ITPR2: variants seen among roughly 807,000 people sequenced by gnomAD.
ITPR2 encodes inositol 1,4,5-trisphosphate receptor type 2.
A neutral mutation model predicts 317.1 loss-of-function variants in ITPR2; 207 were observed. The observed-to-expected ratio is 0.65, with a 90% CI of 0.58 to 0.73. The LOEUF is 0.73. ITPR2 is among the 30% of genes least tolerant of loss of function. The probability of loss-of-function intolerance (pLI) is 0.00; values close to 1 mark genes in which losing one functional copy is unlikely to be tolerated. For missense variants in ITPR2, 2,613 were observed against 3,284.0 expected, an observed-to-expected ratio of 0.80 and a Z score of 4.99; for synonymous variants, 1,156 against 1,149.1, an observed-to-expected ratio of 1.01 and a Z score of -0.12.
intron 2 of ITPR2, among the ~76,000 whole-genome samples, chr12:26,735,134 G>C (rs1262422603): frequency 6.6e-6 from 1 of 151,660 alleles, no homozygotes; most frequent in African/African-American, 2.4e-5. Flanking sequence ...CTGAGAAGCT[G>C]GGATTACAGG....
chr12:26,627,909 C>T, intron 23 of ITPR2, 124 bp downstream of exon 23: 1 of 852,778 alleles, frequency 1.2e-6, no homozygotes, highest in South Asian at 1.9e-5. Flanking sequence ...TATCCCAGAA[C>T]TTAAAGTATA....
chr12:26,418,081 A>T (rs1198001713), intron 50 of ITPR2, among the ~76,000 whole-genome samples: 1 of 152,206 alleles, frequency 6.6e-6, no homozygotes. Context: ...AACATAATAG[A>T]CAAATCTACT....
chr12:26,464,290 T>G (rs1244747639), intron 45 of ITPR2, among the ~76,000 whole-genome samples: 1 of 152,224 alleles, frequency 6.6e-6, no homozygotes, highest in Non-Finnish European at 1.5e-5. Context: ...CTTGTTTTAC[T>G]GCAACTAGGC....
Position 26,656,499 on chromosome 12 carries a change from C to A in ITPR2, c.2242G>T (p.Ala748Ser). ...AGCTGTGTAGAAATCTGGTTTATGG[C>A]CAGATACTGGCGATCCAAGCACATC... The part of the protein sequence containing the change: ...ARMCLDRQYL[A>S]INQISTQLSV... Residue 748 changes from alanine (A) to serine (S), a missense_variant, in exon 19 of 57, where the codon GCC becomes TCC. Physicochemically the swap from Ala to Ser is moderately conservative, Grantham distance 99 (BLOSUM62 1). Coordinates refer to ENST00000381340, the MANE Select transcript of ITPR2 (RefSeq NM_002223.4). 6.2e-7 allele frequency: 1 copy of A among 1,614,176 alleles called. No homozygotes were observed. Among genetic ancestry groups the A allele is most frequent in the Non-Finnish European group, 8.5e-7 (1 of 1,180,036 alleles).
chr12:26,578,672 C>G (rs1378767764), intron 34 of ITPR2, 41 bp downstream of exon 34: 1 of 1,544,402 alleles, frequency 6.5e-7, no homozygotes. Context: ...CTAATTTCTT[C>G]AAGAAATGTA....
At chr12:26,819,909 A>T (rs1393824887) in intron 1 of ITPR2, among the ~76,000 whole-genome samples, 4 of 152,114 alleles carry the variant, frequency 2.6e-5, no homozygotes, top group Non-Finnish European at 4.4e-5. Context: ...TCTACTAAAA[A>T]TACCCAAAAA....
intron 54 of ITPR2, among the ~76,000 whole-genome samples, chr12:26,390,019 C>T (rs1303060759): frequency 2.6e-5 from 4 of 152,186 alleles, no homozygotes; most frequent in African/African-American, 9.7e-5. Flanking sequence ...AGTTGGCACT[C>T]AATTAAATAC....
intron 37 of ITPR2, among the ~76,000 whole-genome samples, chr12:26,548,588 G>A (rs551676790): frequency 2.0e-5 from 3 of 152,182 alleles, no homozygotes; most frequent in Non-Finnish European, 2.9e-5. Flanking sequence ...CAACATATGT[G>A]TTGGGTGACT....
chr12:26,413,307 T>G (rs1940611659), intron 51 of ITPR2, among the ~76,000 whole-genome samples: 1 of 152,188 alleles, frequency 6.6e-6, no homozygotes, highest in Non-Finnish European at 1.5e-5. Flanking sequence ...CCATTCAGCT[T>G]TAGAACTCAA....
At chr12:26,711,403 T>G (rs1298079104) in intron 8 of ITPR2, 135 bp from the exon 9 acceptor site, 5 of 636,742 alleles carry the variant, frequency 7.9e-6, no homozygotes. Flanking sequence ...GAGAGCATAA[T>G]GTGGCAGAAA....
Position 26,760,884 on chromosome 12 carries a change from T to A in ITPR2, c.163+29273A>T, listed in dbSNP as rs1949618876. ...CATGGAACCTTTCCCAGAACAATGA[T>A]TTATAATCTACATTCATAATTGAAG... On this transcript the variant is annotated intron_variant, in intron 2 of 56. Coordinates refer to ENST00000381340, the MANE Select transcript of ITPR2 (RefSeq NM_002223.4). Among the ~76,000 whole-genome samples, 4 of 152,178 alleles carry A rather than the reference T, an allele frequency of 2.6e-5. No individual in the cohort carries two copies. In the South Asian group the frequency reaches 8.3e-4, roughly 31 times the overall value.
At chr12:26,421,699 G>T (rs1940897805) in intron 49 of ITPR2, among the ~76,000 whole-genome samples, 1 of 120,012 alleles carries the variant, frequency 8.3e-6, no homozygotes, top group Non-Finnish European at 1.6e-5. Flanking sequence ...AGTGGATGGT[G>T]TGCCCAGGAA....
At chr12:26,455,853 A>G (rs1350244036) in intron 45 of ITPR2, among the ~76,000 whole-genome samples, 1 of 152,214 alleles carries the variant, frequency 6.6e-6, no homozygotes, top group Non-Finnish European at 1.5e-5. Context: ...GGGATTATAT[A>G]ATGAGGTCAT....
intron 31 of ITPR2, among the ~76,000 whole-genome samples, chr12:26,596,672 A>T (rs1286741851): frequency 6.7e-6 from 1 of 149,812 alleles, no homozygotes; most frequent in Non-Finnish European, 1.5e-5. Flanking sequence ...AAAAAAGTTT[A>T]TCATCTTGCA....
intron 1 of ITPR2, among the ~76,000 whole-genome samples, chr12:26,799,707 C>G (rs1218752589): frequency 6.6e-6 from 1 of 152,188 alleles, no homozygotes; most frequent in Non-Finnish European, 1.5e-5. Flanking sequence ...CTTGACCCTG[C>G]CTCCTCAACC....
At chr12:26,632,962 T>G (rs1946786837) in intron 21 of ITPR2, among the ~76,000 whole-genome samples, 1 of 152,208 alleles carries the variant, frequency 6.6e-6, no homozygotes, top group African/African-American at 2.4e-5. Context: ...GCAATAAGGA[T>G]GCAAAAGAAT....
At chr12:26,452,246 T>C (rs1047855755) in intron 45 of ITPR2, among the ~76,000 whole-genome samples, 3 of 135,710 alleles carry the variant, frequency 2.2e-5, no homozygotes, top group African/African-American at 8.5e-5. Flanking sequence ...AATCCACCAG[T>C]TTTTTTTTTT....
intron 37 of ITPR2, among the ~76,000 whole-genome samples, chr12:26,540,358 G>T (rs1287689855): frequency 6.6e-6 from 1 of 152,188 alleles, no homozygotes; most frequent in Non-Finnish European, 1.5e-5. Context: ...AAGGTTTTAG[G>T]TTTAGATTTA....
intron 34 of ITPR2, among the ~76,000 whole-genome samples, chr12:26,575,635 G>A (rs527520863): frequency 3.9e-5 from 6 of 152,216 alleles, no homozygotes; most frequent in South Asian, 4.2e-4. Flanking sequence ...TATAGCATAC[G>A]AAAAGGAACT....
Sources: allele counts gnomAD v4.1 joint callset (sites outside exome capture counted in the v4.1 genomes callset), GRCh38; gene constraint gnomAD v4.1.1; transcripts MANE v1.5; gene names NCBI Gene and HGNC (gene_info 2026-07-23, HGNC 2026-07-21).